The following JCAD variants were observed in gnomAD, a reference collection of about 807,000 sequenced individuals.
JCAD encodes the protein junctional cadherin 5-associated protein.
JCAD carries 40 observed loss-of-function variants against 98.0 expected under a neutral mutation model. The ratio of observed to expected loss-of-function variants is 0.41; its 90% CI spans 0.32 to 0.53. JCAD has a LOEUF of 0.53. Among genes scored for constraint, JCAD ranks in the 20% least tolerant of loss-of-function variants. The probability of loss-of-function intolerance (pLI) is 0.31; values close to 1 mark genes in which losing one functional copy is unlikely to be tolerated. For missense variants in JCAD, 1,705 were observed against 1,738.1 expected (o/e 0.98, Z 0.34); for synonymous variants, 691 against 682.3 (o/e 1.01, Z -0.20).
intron 1 of JCAD, among the ~76,000 whole-genome samples, chr10:30,080,794 G>C (rs4749527): frequency 0.52 from 79,041 of 151,886 alleles, 23,469 homozygotes; most frequent in African/African-American, 0.82. Flanking sequence ...CTGTTCAACT[G>C]AAGTCCGGGA....
At chr10:30,105,932 A>G (rs1343016296) in intron 1 of JCAD, among the ~76,000 whole-genome samples, 1 of 152,198 alleles carries the variant, frequency 6.6e-6, no homozygotes, top group Admixed American at 6.5e-5. Context: ...GAATTGGTTA[A>G]GACCCAGCAT....
At chr10:30,024,472 C>T (rs1022405853) in intron 3 of JCAD, among the ~76,000 whole-genome samples, 3 of 152,098 alleles carry the variant, frequency 2.0e-5, no homozygotes, top group African/African-American at 7.2e-5. Context: ...AAAAAATGGG[C>T]AGGTAACCCT....
chr10:30,105,074 G>A (rs1424420984), intron 1 of JCAD, among the ~76,000 whole-genome samples: 19 of 152,150 alleles, frequency 1.2e-4, no homozygotes, highest in Non-Finnish European at 2.8e-4. Context: ...CTAGAAAGAG[G>A]CAGGTTGTAG....
intron 1 of JCAD, among the ~76,000 whole-genome samples, chr10:30,113,259 A>G (rs1013898396): frequency 6.6e-6 from 1 of 151,920 alleles, no homozygotes; most frequent in African/African-American, 2.4e-5. Context: ...GTACGCAAAA[A>G]GCCTCCCAGA....
At chr10:30,064,144 G>C (rs1198713932), upstream of JCAD, among the ~76,000 whole-genome samples, 1 of 152,106 alleles carries the variant, frequency 6.6e-6, no homozygotes, top group African/African-American at 2.4e-5. Flanking sequence ...GATCCTGAAG[G>C]TTCTGCCCTC....
chr10:30,065,730 G>A (rs1470875719), intron 2 of JCAD, among the ~76,000 whole-genome samples: 2 of 152,046 alleles, frequency 1.3e-5, no homozygotes, highest in Non-Finnish European at 2.9e-5. Flanking sequence ...TGAACTCCTG[G>A]GCTCAAGCAA....
At chr10:30,092,127 A>ATATATACAT in intron 1 of JCAD, among the ~76,000 whole-genome samples, 1 of 80,892 alleles carries the variant, frequency 1.2e-5, no homozygotes, top group Non-Finnish European at 2.1e-5. Flanking sequence ...TATATATATA[A>ATATATACAT]AAAACATTTT....
rs74617604 is a variant in JCAD, at chr10:30,093,628, A to C, written n.128+21739T>G. On this transcript the variant is annotated intron_variant and non_coding_transcript_variant, in intron 1 of 2. Transcript: ENST00000465712. Reference sequence around the variant, plus strand: ...TATGTCCTGAGCTCTAGCCCCCCGCATGTGGCTCTTTTTTATTATCAGAGC... The same window carrying C: ...TATGTCCTGAGCTCTAGCCCCCCGCCTGTGGCTCTTTTTTATTATCAGAGC... 9.0e-3 allele frequency among the ~76,000 whole-genome samples: 1,369 copies of C among 152,316 alleles called. 26 individuals are homozygous for C. Among genetic ancestry groups the C allele is most frequent in the African/African-American group, 0.031 (1,297 of 41,554 alleles).
Position 30,027,934 on chromosome 10 carries a change from G to C in JCAD, c.2214C>G (p.Thr738=). The change falls in exon 3 of 4, where the codon ACC becomes ACG. Residue 738 remains threonine, a synonymous_variant. Transcript: ENST00000375377. The stretch of plus-strand genomic sequence containing the variant: ...CACTTGGCCTCTGTTTGTGATCACC[G>C]GTAGGGAATGCTGTGTGCGTCTGAG... The part of the protein sequence containing the change: ...SEAQTHTAFP[T]GDHKQRPSAR... 1.2e-6 allele frequency: 2 copies of C among 1,614,224 alleles called. No homozygotes were observed. Among genetic ancestry groups the C allele is most frequent in the South Asian group, 1.1e-5 (1 of 91,088 alleles).
chr10:30,110,348 C>T (rs971701437), intron 1 of JCAD, among the ~76,000 whole-genome samples: 1 of 151,796 alleles, frequency 6.6e-6, no homozygotes, highest in Admixed American at 6.6e-5. Context: ...GATGTATGGA[C>T]TCCCTGATAT....
intron 2 of JCAD, among the ~76,000 whole-genome samples, chr10:30,034,986 G>A (rs977599349): frequency 6.6e-6 from 1 of 152,142 alleles, no homozygotes; most frequent in Non-Finnish European, 1.5e-5. Context: ...ACAGTCCTGT[G>A]AACGCTTTCC....
intron 1 of JCAD, among the ~76,000 whole-genome samples, chr10:30,072,438 A>T (rs1266265464): frequency 2.0e-5 from 3 of 152,352 alleles, no homozygotes; most frequent in Admixed American, 2.0e-4. Flanking sequence ...ATATCCATAA[A>T]GATCTCATTC....
intron 1 of JCAD, among the ~76,000 whole-genome samples, chr10:30,105,153 T>A (rs1838550769): frequency 6.6e-6 from 1 of 152,210 alleles, no homozygotes; most frequent in South Asian, 2.1e-4. Flanking sequence ...CCTGTATTAC[T>A]AAATCCAGTT....
intron 2 of JCAD, among the ~76,000 whole-genome samples, chr10:30,038,394 CAAAG>C (rs772634454): frequency 1.3e-5 from 2 of 152,038 alleles, no homozygotes; most frequent in Admixed American, 6.6e-5. Flanking sequence ...GTAGCGAAGA[CAAAG>C]AGAGAGCCGG....
At chr10:30,064,939 G>A (rs1385780054) in intron 2 of JCAD, among the ~76,000 whole-genome samples, 1 of 152,170 alleles carries the variant, frequency 6.6e-6, no homozygotes. Context: ...CAAGGTGCTG[G>A]GATTACAGGC....
chr10:30,109,693 C>T (rs997322083), intron 1 of JCAD, among the ~76,000 whole-genome samples: 1 of 152,180 alleles, frequency 6.6e-6, no homozygotes, highest in African/African-American at 2.4e-5. Flanking sequence ...CTATGATTTG[C>T]CATGGCAGCA....
intron 1 of JCAD, among the ~76,000 whole-genome samples, chr10:30,111,899 G>T (rs1838708862): frequency 6.6e-6 from 1 of 152,162 alleles, no homozygotes. Flanking sequence ...AAAATAGTTT[G>T]GCAGTTCCTC....
chr10:30,044,024 C>T (rs1333367051), intron 2 of JCAD, among the ~76,000 whole-genome samples: 4 of 152,076 alleles, frequency 2.6e-5, no homozygotes, highest in Non-Finnish European at 4.4e-5. Context: ...TTCCACCCTC[C>T]TAGGTGGGAT....
intron 2 of JCAD, among the ~76,000 whole-genome samples, chr10:30,064,636 T>G (rs774282639): frequency 6.6e-6 from 1 of 152,044 alleles, no homozygotes; most frequent in Non-Finnish European, 1.5e-5. Flanking sequence ...TAAATGAAAC[T>G]TTGTACCCAT....
Sources: allele counts gnomAD v4.1 joint callset (sites outside exome capture counted in the v4.1 genomes callset), GRCh38; gene constraint gnomAD v4.1.1; transcripts MANE v1.5; gene names NCBI Gene and HGNC (gene_info 2026-07-23, HGNC 2026-07-21).